DNAJC8: variants seen among roughly 807,000 people sequenced by gnomAD.
DNAJC8 encodes dnaJ homolog subfamily C member 8.
A neutral mutation model predicts 43.2 loss-of-function variants in DNAJC8; 24 were observed. The ratio of observed to expected loss-of-function variants is 0.56; its 90% confidence interval spans 0.40 to 0.78. The LOEUF (loss-of-function observed/expected upper bound fraction) is 0.78, where lower values mean the gene tolerates loss of function less well. DNAJC8 is among the 30% of genes least tolerant of loss of function. The pLI is 0.00. For synonymous variants in DNAJC8, 83 were observed against 98.0 expected, an observed-to-expected ratio of 0.85 and a Z score of 0.90; for missense variants, 207 against 299.4, an observed-to-expected ratio of 0.69 and a Z score of 2.28.
At chr1:28,209,723 C>T (rs913035227) in intron 5 of DNAJC8, among the ~76,000 whole-genome samples, 6 of 152,130 alleles carry the variant, frequency 3.9e-5, no homozygotes, top group Non-Finnish European at 4.4e-5. Context: ...CCTTTCTCCC[C>T]AACACAGGAC....
intron 2 of DNAJC8, among the ~76,000 whole-genome samples, chr1:28,218,169 C>T (rs1396420175): frequency 6.8e-6 from 1 of 147,634 alleles, no homozygotes; most frequent in Non-Finnish European, 1.5e-5. Flanking sequence ...GATCTTGGCT[C>T]ACTGCAACCT....
At position 28,210,168 on chromosome 1, in the gene DNAJC8, C is replaced by T. The variant is rs1646800914; in HGVS notation, c.305-102G>A. On this transcript the variant is annotated intron_variant, in intron 4 of 8. Coordinates refer to ENST00000263697, the MANE Select transcript of DNAJC8 (RefSeq NM_014280.3). ...GGACTTGTGCTCTCTAAAGCATTCC[C>T]TACTTTAATTATTTACTGTCGTTAA... The T allele has an allele frequency of 2.3e-5, 22 of 941,322 alleles. No homozygotes were observed. The South Asian group carries it at 3.0e-4, about 13-fold the overall frequency. The allele number at this position is 941,322 out of a possible 1,614,324, so 58.3% of individuals were successfully genotyped here. A position where few individuals can be genotyped will look rare whatever the true frequency, so the allele number is the denominator to read the frequency against.
intron 2 of DNAJC8, among the ~76,000 whole-genome samples, chr1:28,216,300 G>T (rs545452756): frequency 1.4e-4 from 22 of 152,266 alleles, no homozygotes; most frequent in African/African-American, 5.3e-4. Context: ...TCACTCAATA[G>T]GAAGAGCGAA....
intron 6 of DNAJC8, among the ~76,000 whole-genome samples, chr1:28,206,144 A>G (rs1172724723): frequency 3.3e-5 from 5 of 152,072 alleles, no homozygotes; most frequent in Non-Finnish European, 5.9e-5. Flanking sequence ...GTGAGCCATG[A>G]CTATGCCACT....
At position 28,228,943 on chromosome 1, in the gene DNAJC8, G is replaced by A. The variant is rs1646955755; in HGVS notation, c.159C>T (p.Tyr53=). Residue 53 remains tyrosine, a synonymous_variant, in exon 2 of 9, where the codon TAC becomes TAT. Transcript: ENST00000263697. ...IERLTRPGSS[Y]FNLNPFEVLQ... is the part of the protein sequence containing the mutation. ...TCACCTCAAATGGGTTCAAATTGAA[G>A]TAAGAGGAACCAGGACGGGTCAGTC... The A allele has an allele frequency of 3.1e-6, 5 of 1,612,800 alleles. No individual in the cohort carries two copies. The highest frequency in any genetic ancestry group is 2.2e-5 in the East Asian group (1 of 44,884).
At chr1:28,231,574 G>T (rs572743869) in intron 1 of DNAJC8, among the ~76,000 whole-genome samples, 1 of 151,916 alleles carries the variant, frequency 6.6e-6, no homozygotes, top group Non-Finnish European at 1.5e-5. Context: ...AATTAGCCAG[G>T]CGTGGTGGCA....
chr1:28,225,562 G>A (rs1331594260), intron 2 of DNAJC8, among the ~76,000 whole-genome samples: 1 of 151,006 alleles, frequency 6.6e-6, no homozygotes, highest in Non-Finnish European at 1.5e-5. Context: ...GGGAGAAAAT[G>A]AGGAGTTACT....
chr1:28,221,172 T>C (rs1646895805), intron 2 of DNAJC8, among the ~76,000 whole-genome samples: 1 of 151,836 alleles, frequency 6.6e-6, no homozygotes, highest in African/African-American at 2.4e-5. Flanking sequence ...ACCCCGTCTC[T>C]ATGAAAAATA....
chr1:28,212,194 T>A lies in DNAJC8; in HGVS notation c.238-1557A>T, dbSNP rs865967333. 4.5e-4 allele frequency among the ~76,000 whole-genome samples: 52 copies of A among 115,466 alleles called. 3 individuals are homozygous for A. The highest frequency in any genetic ancestry group is 4.1e-3 in the Middle Eastern group (1 of 242). 75.8% of individuals were successfully genotyped at this position (115,466 alleles called of 152,430 possible). On this transcript the variant is annotated intron_variant, in intron 3 of 8. Transcript: ENST00000263697. The stretch of plus-strand genomic sequence containing the variant: ...ATATATATATATATATATATATATA[T>A]ATATATATATATATATATATAAATG...
intron 2 of DNAJC8, among the ~76,000 whole-genome samples, chr1:28,216,109 G>A (rs933066833): frequency 1.3e-5 from 2 of 152,074 alleles, no homozygotes; most frequent in African/African-American, 4.8e-5. Context: ...AGTACTTTGG[G>A]AGGCCAAGGC....
chr1:28,208,681 C>T lies in DNAJC8; in HGVS notation c.400-268G>A, dbSNP rs532237846. 6.8e-5 allele frequency: 17 copies of T among 250,496 alleles called. No homozygotes were observed. The East Asian group carries it at 1.2e-3, about 18-fold the overall frequency. 15.5% of individuals were successfully genotyped at this position (250,496 alleles called of 1,614,324 possible). A position where few individuals can be genotyped will look rare whatever the true frequency, so the allele number is the denominator to read the frequency against. ...GAAAGGGGACCAACGGGAGGTTGTCCCCAACTCATCAGATCCAAAAAGTCT... is the reference window on the plus strand; with the variant it reads ...GAAAGGGGACCAACGGGAGGTTGTCTCCAACTCATCAGATCCAAAAAGTCT... On this transcript the variant is annotated intron_variant, in intron 5 of 8. Coordinates refer to ENST00000263697, the MANE Select transcript of DNAJC8 (RefSeq NM_014280.3).
chr1:28,224,927 C>G (rs1291384153), intron 2 of DNAJC8, among the ~76,000 whole-genome samples: 1 of 148,934 alleles, frequency 6.7e-6, no homozygotes, highest in Non-Finnish European at 1.5e-5. Context: ...GTGGCTCACA[C>G]CTTGAATCCC....
rs1374992310 is a variant in DNAJC8, at chr1:28,210,690, C to T, written c.238-53G>A. 6 of 1,446,204 alleles carry T rather than the reference C, an allele frequency of 4.1e-6. No individual in the cohort carries two copies. The African/African-American group carries it at 8.4e-5, about 20-fold the overall frequency. The allele number at this position is 1,446,204 out of a possible 1,614,324, so 89.6% of individuals were successfully genotyped here. Reference sequence around the variant, plus strand: ...CAATAAGGGAAACATTTACTAACTTCCAGCCTGCCCTGTCTCGTTACAACC... The same window carrying T: ...CAATAAGGGAAACATTTACTAACTTTCAGCCTGCCCTGTCTCGTTACAACC... On this transcript the variant is annotated intron_variant, in intron 3 of 8. Transcript: ENST00000263697.
chr1:28,218,265 T>A (rs1280401588), intron 2 of DNAJC8, among the ~76,000 whole-genome samples: 2 of 151,796 alleles, frequency 1.3e-5, no homozygotes, highest in Admixed American at 6.6e-5. Flanking sequence ...CCGGCTCATT[T>A]TGTATTTTTA....
chr1:28,212,168 A>AATAAAAATATAT lies in DNAJC8; in HGVS notation c.238-1532_238-1531insATATATTTTTAT, dbSNP rs35950985. ...CGGACTCCGTCTCAATAAATAAATA[A>AATAAAAATATAT]ATATATATATATATATATATATATA... On this transcript the variant is annotated intron_variant, in intron 3 of 8. Transcript: ENST00000263697. Among the ~76,000 whole-genome samples the AATAAAAATATAT allele has an allele frequency of 3.6e-3, 113 of 31,004 alleles. 3 individuals carry two copies. The highest frequency in any genetic ancestry group is 5.9e-3 in the Admixed American group (12 of 2,020). 20.3% of individuals were successfully genotyped at this position (31,004 alleles called of 152,430 possible).
At chr1:28,211,103 G>A (rs1434350034) in intron 3 of DNAJC8, among the ~76,000 whole-genome samples, 5 of 152,132 alleles carry the variant, frequency 3.3e-5, no homozygotes, top group African/African-American at 1.2e-4. Flanking sequence ...GAGCCTGGGA[G>A]GTTGAGATTG....
chr1:28,208,083 G>GT (rs1646782329), intron 6 of DNAJC8, among the ~76,000 whole-genome samples: 1 of 152,054 alleles, frequency 6.6e-6, no homozygotes. Flanking sequence ...GTACATGCTG[G>GT]TAATCCCAGC....
intron 1 of DNAJC8, among the ~76,000 whole-genome samples, chr1:28,231,460 A>T (rs1340047353): frequency 6.6e-6 from 1 of 152,136 alleles, no homozygotes; most frequent in Non-Finnish European, 1.5e-5. Flanking sequence ...TCAAGCCTGT[A>T]ATCCCAGCAA....
chr1:28,216,074 C>T (rs566841342), intron 2 of DNAJC8, among the ~76,000 whole-genome samples: 55 of 151,874 alleles, frequency 3.6e-4, no homozygotes, highest in Non-Finnish European at 2.6e-4. Flanking sequence ...CCTGGCCGGG[C>T]GCAGTGGCTC....
Sources: allele counts gnomAD v4.1 joint callset (sites outside exome capture counted in the v4.1 genomes callset), GRCh38; gene constraint gnomAD v4.1.1; transcripts MANE v1.5; gene names NCBI Gene and HGNC (gene_info 2026-07-23, HGNC 2026-07-21).